Variants in FAM222B observed in about 807,000 individuals in gnomAD.
FAM222B encodes the protein family with sequence similarity 222 member B, also known as protein FAM222B.
FAM222B carries 12 observed loss-of-function variants against 38.0 expected under a neutral mutation model. The observed-to-expected ratio is 0.32, with a 90% CI of 0.20 to 0.51. FAM222B has a LOEUF of 0.51. Among genes scored for constraint, FAM222B ranks in the 20% least tolerant of loss-of-function variants. FAM222B has a pLI of 0.97. For synonymous variants in FAM222B, 329 were observed against 317.2 expected, an observed-to-expected ratio of 1.04 and a Z score of -0.40; for missense variants, 716 against 754.2, an observed-to-expected ratio of 0.95 and a Z score of 0.59.
In FAM222B at chr17:28,756,834, C is replaced by G. The variant is rs1160080431; in HGVS notation, c.*1436G>C. 2 of 151,920 alleles carry G rather than the reference C, an allele frequency of 1.3e-5. No individual in the cohort carries two copies. The highest frequency in any genetic ancestry group is 4.9e-5 in the African/African-American group (2 of 41,152). 9.4% of individuals were successfully genotyped at this position (151,920 alleles called of 1,614,324 possible). ...AGATCACTAGAGAATTTCTGGCTAACGAACAGTAGTGGATAGTGAACAAAA... is the reference window on the plus strand; with the variant it reads ...AGATCACTAGAGAATTTCTGGCTAAGGAACAGTAGTGGATAGTGAACAAAA... On this transcript the variant is annotated 3_prime_UTR_variant, in exon 3 of 3. Coordinates refer to ENST00000581407, the MANE Select transcript of FAM222B (RefSeq NM_001077498.3).
intron 1 of FAM222B, among the ~76,000 whole-genome samples, chr17:28,837,842 G>A (rs937909320): frequency 3.9e-5 from 6 of 151,998 alleles, no homozygotes; most frequent in African/African-American, 9.7e-5. Context: ...TAGCAGAGAC[G>A]GGGTTTCACT....
intron 1 of FAM222B, among the ~76,000 whole-genome samples, chr17:28,811,718 TAAC>T (rs1228300947): frequency 6.6e-6 from 1 of 152,152 alleles, no homozygotes; most frequent in Non-Finnish European, 1.5e-5. Context: ...AGTTAATCAC[TAAC>T]AACTATCAGG....
At chr17:28,763,560 A>G (rs2035185344) in intron 2 of FAM222B, among the ~76,000 whole-genome samples, 1 of 152,242 alleles carries the variant, frequency 6.6e-6, no homozygotes, top group African/African-American at 2.4e-5. Context: ...TGAAGGTCAG[A>G]GGGCACAGGT....
Position 28,826,537 on chromosome 17 carries a change from C to A in FAM222B, c.-41+16145G>T, listed in dbSNP as rs1251212920. Reference sequence around the variant, plus strand: ...CTCTACTAAACACAAAAAAAACAGCCAGGCGTGGTGGTGCATGCTTGTAAT... The same window carrying A: ...CTCTACTAAACACAAAAAAAACAGCAAGGCGTGGTGGTGCATGCTTGTAAT... On this transcript the variant is annotated intron_variant, in intron 1 of 2. Coordinates refer to ENST00000581407, the MANE Select transcript of FAM222B (RefSeq NM_001077498.3). Among the ~76,000 whole-genome samples the A allele has an allele frequency of 2.6e-5, 4 of 152,036 alleles. No individual in the cohort carries two copies. The South Asian group carries it at 8.3e-4, about 32-fold the overall frequency.
At chr17:28,783,337 A>G (rs1436387307) in intron 1 of FAM222B, among the ~76,000 whole-genome samples, 3 of 152,092 alleles carry the variant, frequency 2.0e-5, no homozygotes, top group Non-Finnish European at 4.4e-5. Flanking sequence ...ATGTCAACTG[A>G]AGCTCAGATC....
chr17:28,799,147 G>A (rs994390940), intron 1 of FAM222B, among the ~76,000 whole-genome samples: 1 of 148,534 alleles, frequency 6.7e-6, no homozygotes, highest in Non-Finnish European at 1.5e-5. Flanking sequence ...GCTAATTGTT[G>A]TATTTTTAGT....
chr17:28,837,158 C>T (rs753816488), intron 1 of FAM222B, among the ~76,000 whole-genome samples: 8 of 151,554 alleles, frequency 5.3e-5, no homozygotes, highest in East Asian at 1.9e-4. Flanking sequence ...AGGCCAGGTG[C>T]GGTGGCTCAC....
At chr17:28,807,624 G>A (rs1274928505) in intron 1 of FAM222B, among the ~76,000 whole-genome samples, 3 of 152,146 alleles carry the variant, frequency 2.0e-5, no homozygotes, top group Admixed American at 6.6e-5. Context: ...GGCCTCAAGT[G>A]ATCCGTCCGC....
At chr17:28,778,003 T>G (rs2035970506) in intron 1 of FAM222B, among the ~76,000 whole-genome samples, 1 of 142,160 alleles carries the variant, frequency 7.0e-6, no homozygotes, top group East Asian at 2.0e-4. Context: ...TTGCCCAGGC[T>G]GGACTTTTTT....
intron 1 of FAM222B, among the ~76,000 whole-genome samples, chr17:28,793,499 T>C (rs1168869421): frequency 1.6e-4 from 25 of 152,148 alleles, no homozygotes; most frequent in Non-Finnish European, 1.5e-5. Context: ...AGCAGGGACT[T>C]AGCTATTCTA....
chr17:28,822,571 A>G (rs1216019077), intron 1 of FAM222B, among the ~76,000 whole-genome samples: 1 of 150,398 alleles, frequency 6.6e-6, no homozygotes, highest in Non-Finnish European at 1.5e-5. Flanking sequence ...GGTTGGAAAG[A>G]GCCGAGATTG....
intron 1 of FAM222B, among the ~76,000 whole-genome samples, chr17:28,812,670 C>A (rs1032707770): frequency 6.6e-6 from 1 of 152,092 alleles, no homozygotes; most frequent in Non-Finnish European, 1.5e-5. Flanking sequence ...CCATCTCTCC[C>A]GGCCCCTACC....
chr17:28,811,821 TC>T (rs2037780009), intron 1 of FAM222B, among the ~76,000 whole-genome samples: 1 of 152,186 alleles, frequency 6.6e-6, no homozygotes, highest in South Asian at 2.1e-4. Context: ...ATCAAGGCAG[TC>T]CCAAGGAGGA....
At chr17:28,815,757 G>A (rs2037998041) in intron 1 of FAM222B, among the ~76,000 whole-genome samples, 1 of 152,110 alleles carries the variant, frequency 6.6e-6, no homozygotes, top group South Asian at 2.1e-4. Flanking sequence ...GAGGTCAGGA[G>A]ATTGAGATCA....
chr17:28,822,317 C>T (rs1485272788), intron 1 of FAM222B, among the ~76,000 whole-genome samples: 3 of 149,614 alleles, frequency 2.0e-5, no homozygotes, highest in Non-Finnish European at 3.0e-5. Flanking sequence ...CCACGCCCGG[C>T]CTAAAAGTAT....
chr17:28,843,325 C>A (rs2039107476), upstream of FAM222B, among the ~76,000 whole-genome samples: 1 of 147,750 alleles, frequency 6.8e-6, no homozygotes, highest in Non-Finnish European at 1.5e-5. Context: ...TTAGTAGAGA[C>A]GGGGTTTTAT....
intron 1 of FAM222B, among the ~76,000 whole-genome samples, chr17:28,827,787 G>GT (rs1456647114): frequency 6.6e-6 from 1 of 152,168 alleles, no homozygotes; most frequent in African/African-American, 2.4e-5. Context: ...CATCTGCTAT[G>GT]TATCAGGCAC....
At chr17:28,783,935 G>GTAA (rs1259519218) in intron 1 of FAM222B, among the ~76,000 whole-genome samples, 2 of 150,680 alleles carry the variant, frequency 1.3e-5, no homozygotes, top group African/African-American at 4.9e-5. Flanking sequence ...AGTAGCTGGG[G>GTAA]TTACAGGCTC....
At chr17:28,797,897 C>CAA (rs34116817) in intron 1 of FAM222B, among the ~76,000 whole-genome samples, 7 of 148,294 alleles carry the variant, frequency 4.7e-5, no homozygotes, top group South Asian at 2.1e-4. Context: ...CCCATCTCTA[C>CAA]AAAAAAAAAA....
Sources: gnomAD v4.1 joint callset for allele counts (sites outside exome capture counted in the v4.1 genomes callset) on GRCh38, gnomAD v4.1.1 for gene constraint, MANE v1.5 for transcripts, NCBI Gene and HGNC (gene_info 2026-07-23, HGNC 2026-07-21) for gene names.